The following GRM7 variants were observed in gnomAD, a reference collection of about 807,000 sequenced individuals.
The protein encoded by GRM7 is metabotropic glutamate receptor 7.
In GRM7, 35 loss-of-function variants were observed where a neutral mutation model predicts 84.5. The observed-to-expected ratio is 0.41, with a 90% confidence interval of 0.32 to 0.55. The LOEUF is 0.55. GRM7 is among the 20% of genes least tolerant of loss of function. GRM7 has a pLI of 0.19. For missense variants in GRM7, 1,003 were observed against 1,194.6 expected (o/e 0.84, Z 2.36); for synonymous variants, 487 against 455.1 (o/e 1.07, Z -0.89).
intron 1 of GRM7, among the ~76,000 whole-genome samples, chr3:6,897,970 G>T (rs1293942560): frequency 6.6e-6 from 1 of 152,142 alleles, no homozygotes; most frequent in African/African-American, 2.4e-5. Context: ...TCAGCAACTT[G>T]GCAGGGAGGA....
intron 8 of GRM7, among the ~76,000 whole-genome samples, chr3:7,582,840 C>T (rs1036212667): frequency 2.0e-5 from 3 of 152,118 alleles, no homozygotes; most frequent in Non-Finnish European, 2.9e-5. Flanking sequence ...CATGTCTCCC[C>T]AACCCTATAA....
At chr3:7,472,174 A>G (rs1698729007) in intron 7 of GRM7, among the ~76,000 whole-genome samples, 1 of 152,138 alleles carries the variant, frequency 6.6e-6, no homozygotes, top group Non-Finnish European at 1.5e-5. Context: ...TTCTGCCATG[A>G]GTGCAGGCAG....
chr3:7,605,441 T>A (rs1696517350), intron 8 of GRM7, among the ~76,000 whole-genome samples: 1 of 152,148 alleles, frequency 6.6e-6, no homozygotes, highest in African/African-American at 2.4e-5. Flanking sequence ...TAAGGCTATT[T>A]TCAAAGAACA....
intron 2 of GRM7, among the ~76,000 whole-genome samples, chr3:7,297,180 T>C (rs1699844559): frequency 6.6e-6 from 1 of 152,150 alleles, no homozygotes; most frequent in Admixed American, 6.6e-5. Context: ...CTTACAAATA[T>C]TGATATATTG....
At chr3:7,435,841 C>T (rs1465842210) in intron 5 of GRM7, among the ~76,000 whole-genome samples, 1 of 149,356 alleles carries the variant, frequency 6.7e-6, no homozygotes, top group Non-Finnish European at 1.5e-5. Flanking sequence ...GCGCCCGCCA[C>T]CACACCCATC....
intron 1 of GRM7, among the ~76,000 whole-genome samples, chr3:7,141,409 A>G (rs1408957823): frequency 3.3e-5 from 5 of 152,104 alleles, no homozygotes; most frequent in Non-Finnish European, 7.4e-5. Flanking sequence ...AGACAATTAT[A>G]AGATTTTAGG....
At chr3:7,121,329 C>G (rs576396737) in intron 1 of GRM7, among the ~76,000 whole-genome samples, 2 of 130,342 alleles carry the variant, frequency 1.5e-5, no homozygotes, top group Admixed American at 7.7e-5. Context: ...TCCCATCCAT[C>G]TATTCATCCA....
chr3:7,569,059 C>T (rs977094158), intron 7 of GRM7, among the ~76,000 whole-genome samples: 1 of 152,192 alleles, frequency 6.6e-6, no homozygotes, highest in Non-Finnish European at 1.5e-5. Flanking sequence ...GGGCTCCTGA[C>T]CCTGGTGGGG....
intron 9 of GRM7, among the ~76,000 whole-genome samples, chr3:7,692,746 A>G (rs1700855751): frequency 6.6e-6 from 1 of 152,170 alleles, no homozygotes; most frequent in African/African-American, 2.4e-5. Flanking sequence ...AGACACCTGT[A>G]CTCAGGTCTC....
chr3:7,170,572 TTCCTATC>T (rs1244320428), intron 2 of GRM7, among the ~76,000 whole-genome samples: 2 of 152,162 alleles, frequency 1.3e-5, no homozygotes, highest in Admixed American at 1.3e-4. Flanking sequence ...GGTGGGTGGA[TTCCTATC>T]TCCTATCACA....
chr3:7,414,817 A>T (rs1442362603), intron 4 of GRM7, among the ~76,000 whole-genome samples: 2 of 151,982 alleles, frequency 1.3e-5, no homozygotes, highest in African/African-American at 4.8e-5. Flanking sequence ...GTAACTACCT[A>T]CCTGTCAGAT....
intron 1 of GRM7, among the ~76,000 whole-genome samples, chr3:7,099,772 CG>C: frequency 3.7e-5 from 3 of 82,110 alleles, no homozygotes; most frequent in South Asian, 3.5e-4. Context: ...TATATGTACA[CG>C]CATTATACAT....
intron 1 of GRM7, among the ~76,000 whole-genome samples, chr3:7,000,849 C>G (rs1694989226): frequency 6.6e-6 from 1 of 152,226 alleles, no homozygotes; most frequent in Middle Eastern, 3.4e-3. Flanking sequence ...ATTCCATTGG[C>G]CAGAGCAAGT....
At chr3:7,088,544 G>C (rs1440096765) in intron 1 of GRM7, among the ~76,000 whole-genome samples, 13 of 149,560 alleles carry the variant, frequency 8.7e-5, no homozygotes, top group Admixed American at 8.6e-4. Flanking sequence ...AGGGGCCAGA[G>C]ATCATCTAAA....
intron 1 of GRM7, among the ~76,000 whole-genome samples, chr3:7,070,230 G>A (rs183354589): frequency 1.3e-5 from 2 of 151,974 alleles, no homozygotes. Context: ...TTTCCAAAGT[G>A]TATTTTATTT....
chr3:7,096,948 T>C (rs557108793), intron 1 of GRM7, among the ~76,000 whole-genome samples: 2 of 152,306 alleles, frequency 1.3e-5, no homozygotes, highest in Non-Finnish European at 2.9e-5. Context: ...TGAACATTAA[T>C]AGTAGAAACG....
intron 1 of GRM7, among the ~76,000 whole-genome samples, chr3:6,937,195 T>C (rs1697723303): frequency 6.6e-6 from 1 of 152,232 alleles, no homozygotes; most frequent in African/African-American, 2.4e-5. Flanking sequence ...ATATCAATTA[T>C]CATAAATCAC....
chr3:6,871,860 G>A (rs778037360), intron 1 of GRM7, among the ~76,000 whole-genome samples: 10 of 151,952 alleles, frequency 6.6e-5, no homozygotes, highest in East Asian at 1.9e-4. Context: ...CGGAACAGAG[G>A]GTAATTGTGT....
At chr3:7,155,257 C>T (rs899842737) in intron 2 of GRM7, among the ~76,000 whole-genome samples, 2 of 152,026 alleles carry the variant, frequency 1.3e-5, no homozygotes, top group African/African-American at 4.8e-5. Flanking sequence ...TCTCCAAGGC[C>T]ATAAACAATA....
Sources: allele counts gnomAD v4.1 joint callset (sites outside exome capture counted in the v4.1 genomes callset), GRCh38; gene constraint gnomAD v4.1.1; transcripts MANE v1.5; gene names NCBI Gene and HGNC (gene_info 2026-07-23, HGNC 2026-07-21).